Variants in ACBD6 observed in about 807,000 individuals in gnomAD.
The protein encoded by ACBD6 is acyl-CoA-binding domain-containing protein 6.
Under a neutral mutation model 37.2 loss-of-function variants are expected in ACBD6, and 28 were observed. That is an observed-to-expected ratio of 0.75 (90% CI 0.56 to 1.03). ACBD6 has a LOEUF of 1.03. Ranked by LOEUF, ACBD6 falls within the 50% of genes least tolerant of loss-of-function variation. The pLI is 0.00. For synonymous variants in ACBD6, 113 were observed against 126.8 expected, an observed-to-expected ratio of 0.89 and a Z score of 0.73; for missense variants, 340 against 337.4, an observed-to-expected ratio of 1.01 and a Z score of -0.06.
chr1:180,365,851 T>A (rs1017617971), intron 6 of ACBD6, among the ~76,000 whole-genome samples: 1 of 152,126 alleles, frequency 6.6e-6, no homozygotes, highest in Non-Finnish European at 1.5e-5. Context: ...CTTTGAAGAG[T>A]CTTTTTTTTC....
At chr1:180,445,010 A>T (rs1288888411) in intron 3 of ACBD6, among the ~76,000 whole-genome samples, 1 of 152,118 alleles carries the variant, frequency 6.6e-6, no homozygotes, top group Admixed American at 6.6e-5. Flanking sequence ...TGTTTTGTTT[A>T]ATTCATTTAT....
intron 3 of ACBD6, 48 bp from the exon 4 acceptor site, chr1:180,430,310 CA>C (rs1648763459): frequency 7.0e-7 from 1 of 1,420,384 alleles, no homozygotes; most frequent in Admixed American, 1.7e-5. Flanking sequence ...TGGGTTAAAA[CA>C]ATAGGTATTT....
At chr1:180,490,731 A>C (rs1651461824) in intron 3 of ACBD6, among the ~76,000 whole-genome samples, 1 of 150,698 alleles carries the variant, frequency 6.6e-6, no homozygotes, top group African/African-American at 2.4e-5. Flanking sequence ...GCTTACAGTG[A>C]GCCGAGATTG....
chr1:180,339,683 A>T (rs115545585), intron 6 of ACBD6, among the ~76,000 whole-genome samples: 22,703 of 152,190 alleles, frequency 0.15, 1,831 homozygotes, highest in Middle Eastern at 0.22. Context: ...AAGTATAATT[A>T]AAAAAAGAAA....
At chr1:180,393,983 C>G (rs1374288385) in intron 6 of ACBD6, among the ~76,000 whole-genome samples, 1 of 152,180 alleles carries the variant, frequency 6.6e-6, no homozygotes, top group African/African-American at 2.4e-5. Flanking sequence ...CTCACACTAT[C>G]CAAACAAATA....
At chr1:180,274,711 C>CT in exon 10 of ACBD6, 1 of 1,111,378 alleles carries the variant, frequency 9.0e-7, no homozygotes, top group Non-Finnish European at 1.3e-6. Flanking sequence ...AAGTCCTCCG[C>CT]TGATTCCTAG....
At chr1:180,369,245 GTA>G (rs1459500450) in intron 6 of ACBD6, among the ~76,000 whole-genome samples, 1 of 152,184 alleles carries the variant, frequency 6.6e-6, no homozygotes, top group African/African-American at 2.4e-5. Context: ...ACAGACGTGA[GTA>G]TAGACATTTC....
At chr1:180,271,179 T>G (rs1648631912) in exon 14 of ACBD6, 1 of 648,432 alleles carries the variant, frequency 1.5e-6, no homozygotes, top group Non-Finnish European at 2.8e-6. Flanking sequence ...TCCTCACTTT[T>G]CAGTGGCTTG....
intron 6 of ACBD6, among the ~76,000 whole-genome samples, chr1:180,389,514 C>T (rs1488085125): frequency 6.6e-6 from 1 of 152,122 alleles, no homozygotes; most frequent in East Asian, 1.9e-4. Context: ...TGGGTATATA[C>T]CCAGTAATGG....
At chr1:180,459,481 G>T (rs1190777504) in intron 3 of ACBD6, among the ~76,000 whole-genome samples, 1 of 152,138 alleles carries the variant, frequency 6.6e-6, no homozygotes, top group Non-Finnish European at 1.5e-5. Context: ...ATGAAGATAG[G>T]CAAATGATAA....
At chr1:180,440,301 G>A (rs892662101) in intron 3 of ACBD6, among the ~76,000 whole-genome samples, 2 of 151,976 alleles carry the variant, frequency 1.3e-5, no homozygotes, top group African/African-American at 4.8e-5. Context: ...TAGAGATGGG[G>A]TTGCAATGTG....
chr1:180,377,947 C>CT (rs1653495728), intron 6 of ACBD6, among the ~76,000 whole-genome samples: 1 of 58,318 alleles, frequency 1.7e-5, no homozygotes, highest in Non-Finnish European at 3.3e-5. Flanking sequence ...AACTCTGTCT[C>CT]AAAATAATAA....
At chr1:180,435,615 C>G in intron 3 of ACBD6, 1 of 1,074,954 alleles carries the variant, frequency 9.3e-7, no homozygotes, top group Non-Finnish European at 1.4e-6. Context: ...GGCTACAAGA[C>G]TTATGAATTC....
chr1:180,399,711 T>G (rs896473180), intron 5 of ACBD6, among the ~76,000 whole-genome samples: 1 of 152,228 alleles, frequency 6.6e-6, no homozygotes, highest in African/African-American at 2.4e-5. Flanking sequence ...ATCCTCCATA[T>G]GAACAATTAG....
intron 7 of ACBD6, among the ~76,000 whole-genome samples, chr1:180,308,075 T>A (rs947458970): frequency 5.9e-5 from 9 of 152,272 alleles, no homozygotes; most frequent in African/African-American, 1.9e-4. Flanking sequence ...AGACAAATAT[T>A]TTCACCAAAT....
intron 6 of ACBD6, among the ~76,000 whole-genome samples, chr1:180,347,420 A>G (rs1265266821): frequency 6.7e-6 from 1 of 148,474 alleles, no homozygotes; most frequent in East Asian, 2.0e-4. Context: ...GCTGGAGTAA[A>G]GTGGCGTGAT....
chr1:180,274,621 G>C, intron 10 of ACBD6: 2 of 1,513,174 alleles, frequency 1.3e-6, no homozygotes, highest in Non-Finnish European at 1.8e-6. Context: ...TGGCTTGAGA[G>C]AATATCTTCA....
At chr1:180,426,074 C>T (rs755467341) in intron 4 of ACBD6, among the ~76,000 whole-genome samples, 2 of 152,178 alleles carry the variant, frequency 1.3e-5, no homozygotes, top group African/African-American at 4.8e-5. Flanking sequence ...GCAGCAACCT[C>T]TTGTATTTTC....
chr1:180,271,348 C>A, exon 14 of ACBD6: 1 of 1,613,724 alleles, frequency 6.2e-7, no homozygotes. Flanking sequence ...GCAGATAGGC[C>A]GAAGCCAGTA....
Sources: allele counts gnomAD v4.1 joint callset (sites outside exome capture counted in the v4.1 genomes callset), GRCh38; gene constraint gnomAD v4.1.1; transcripts MANE v1.5; gene names NCBI Gene and HGNC (gene_info 2026-07-23, HGNC 2026-07-21).